The following DNAH14 variants were observed in gnomAD, a reference collection of about 807,000 sequenced individuals.
DNAH14 encodes dynein axonemal heavy chain 14, also known as axonemal beta dynein heavy chain 14.
A neutral mutation model predicts 520.9 loss-of-function variants in DNAH14; 478 were observed. The observed-to-expected ratio is 0.92, with a 90% CI of 0.85 to 0.99. DNAH14 has a LOEUF of 0.99. Ranked by LOEUF, DNAH14 falls within the 50% of genes least tolerant of loss-of-function variation. The probability of loss-of-function intolerance (pLI) is 0.00; values close to 1 mark genes in which losing one functional copy is unlikely to be tolerated. For synonymous variants in DNAH14, 1,581 were observed against 1,757.2 expected (o/e 0.90, Z 2.51); for missense variants, 4,831 against 5,234.5 (o/e 0.92, Z 2.38).
chr1:225,042,925 AGT>A lies in DNAH14; in HGVS notation c.1581_1582del (p.Ser527ArgfsTer7). 1 of 1,551,770 alleles carries A rather than the reference AGT, an allele frequency of 6.4e-7. No homozygotes were observed. Among genetic ancestry groups the A allele is most frequent in the Non-Finnish European group, 8.7e-7 (1 of 1,147,020 alleles). On this transcript the variant is annotated frameshift_variant, in exon 13 of 86. Transcript: ENST00000682510. LOFTEE classifies it high-confidence loss of function. ...VNLCLRIPAE[S>X]DSSENSKENF... ...TCTATGCTTGAGAATTCCTGCTGAG[AGT>A]GATTCTTCAGAAAATTCTAAAGAGA...
intron 8 of DNAH14, among the ~76,000 whole-genome samples, chr1:224,984,284 A>G (rs1393273397): frequency 6.6e-6 from 1 of 152,156 alleles, no homozygotes; most frequent in Non-Finnish European, 1.5e-5. Flanking sequence ...CAAAAACATA[A>G]AGTGGGAAAG....
intron 14 of DNAH14, 45 bp downstream of exon 14, chr1:225,043,834 A>G (rs1232663887): frequency 1.4e-6 from 2 of 1,457,260 alleles, no homozygotes; most frequent in African/African-American, 1.4e-5. Context: ...TGTATTTTAT[A>G]TGGTAGTTAT....
intron 74 of DNAH14, among the ~76,000 whole-genome samples, chr1:225,359,224 T>A (rs1294523931): frequency 6.6e-6 from 1 of 152,176 alleles, no homozygotes; most frequent in Non-Finnish European, 1.5e-5. Context: ...CAAAGAGGAA[T>A]AAAACCTCTC....
At chr1:225,168,330 C>T (rs1014232003) in intron 36 of DNAH14, among the ~76,000 whole-genome samples, 3 of 152,096 alleles carry the variant, frequency 2.0e-5, no homozygotes, top group Admixed American at 1.3e-4. Flanking sequence ...GTGCAGCGAG[C>T]GTGAGCCGAA....
chr1:225,373,358 G>A (rs1045510525), intron 77 of DNAH14, among the ~76,000 whole-genome samples: 45 of 152,150 alleles, frequency 3.0e-4, no homozygotes, highest in African/African-American at 1.0e-3. Flanking sequence ...CCAGCTACGC[G>A]GGAGGCTGAG....
chr1:224,930,049 G>C (rs1176769174), intron 1 of DNAH14, among the ~76,000 whole-genome samples: 1 of 152,094 alleles, frequency 6.6e-6, no homozygotes, highest in East Asian at 1.9e-4. Context: ...CCGCCACGCC[G>C]GTAGCCCCGA....
rs111205889 is a variant in DNAH14, at chr1:225,335,742, T to C, written c.10081-1524T>C. On this transcript the variant is annotated intron_variant, in intron 66 of 85. Transcript: ENST00000682510. ...GCATATATACATATGTGCATATATG[T>C]ATATACGCATATATACATACATGTG... Among the ~76,000 whole-genome samples the C allele has an allele frequency of 2.1e-4, 15 of 71,738 alleles. 1 individual carries two copies. Among genetic ancestry groups the C allele is most frequent in the Non-Finnish European group, 3.5e-4 (13 of 36,622 alleles). The allele number at this position is 71,738 out of a possible 152,430, so 47.1% of individuals were successfully genotyped here.
chr1:225,185,432 G>A lies in DNAH14; in HGVS notation c.5670+7G>A, dbSNP rs2084573893. On this transcript the variant is annotated splice_region_variant and intron_variant, in intron 37 of 85. Coordinates refer to ENST00000682510, the MANE Select transcript of DNAH14 (RefSeq NM_001367479.1). ...AAGAAAATCTGCTTCAAAGGTAAAT[G>A]TTCTGTTAAATAAAATGTTTCTCTA... 6.6e-7 allele frequency: 1 copy of A among 1,519,190 alleles called. No homozygotes were observed. The highest frequency in any genetic ancestry group is 1.4e-5 in the African/African-American group (1 of 71,074). 94.1% of individuals were successfully genotyped at this position (1,519,190 alleles called of 1,614,324 possible).
chr1:225,271,835 G>C, intron 50 of DNAH14, 71 bp from the exon 51 acceptor site: 2 of 1,247,380 alleles, frequency 1.6e-6, no homozygotes, highest in Non-Finnish European at 2.2e-6. Flanking sequence ...CCGCTTTTTA[G>C]TGGAAGGTAG....
chr1:225,340,786 C>A, intron 69 of DNAH14, 85 bp downstream of exon 69: 1 of 1,386,464 alleles, frequency 7.2e-7, no homozygotes, highest in Non-Finnish European at 9.6e-7. Context: ...GAATTTGAGC[C>A]AAAAATACCA....
In DNAH14 at chr1:225,192,759, G is replaced by C. The variant is rs781582014; in HGVS notation, c.5734G>C (p.Glu1912Gln). The C allele has an allele frequency of 2.3e-4, 362 of 1,550,098 alleles. 1 individual carries two copies. Among genetic ancestry groups the C allele is most frequent in the Non-Finnish European group, 3.1e-4 (354 of 1,146,026 alleles). The change falls in exon 38 of 86, where the codon GAA becomes CAA. Residue 1912 changes from glutamate to glutamine, a missense_variant. Physicochemically the swap from Glu to Gln is conservative, Grantham distance 29. Transcript: ENST00000682510. The part of the protein sequence containing the change: ...VLNPKCVTLS[E>Q]LYGQLDPNTM... ...AAATCCAAAGTGTGTCACTCTCAGT[G>C]AACTATATGGACAACTGGATCCTAA...
rs143115277 is a variant in DNAH14 at position 225,112,751 on chromosome 1, A to G, written c.3868-4933A>G. 4.4e-3 allele frequency among the ~76,000 whole-genome samples: 666 copies of G among 151,974 alleles called. 11 individuals are homozygous for G. The highest frequency in any genetic ancestry group is 4.6e-3 in the Non-Finnish European group (312 of 67,972). ...ACTAATTCTCTCTTCTGCTTGATCAATTCTGCTGCTAAGACACTCTGATGC... is the reference window on the plus strand; with the variant it reads ...ACTAATTCTCTCTTCTGCTTGATCAGTTCTGCTGCTAAGACACTCTGATGC... On this transcript the variant is annotated intron_variant, in intron 23 of 85. Transcript: ENST00000682510.
At chr1:225,314,545 A>C (rs2094432838) in intron 60 of DNAH14, among the ~76,000 whole-genome samples, 1 of 152,016 alleles carries the variant, frequency 6.6e-6, no homozygotes, top group Non-Finnish European at 1.5e-5. Flanking sequence ...TGGTCTTTAC[A>C]TTTTGGTATG....
chr1:225,197,357 T>G (rs1318292001), intron 38 of DNAH14, among the ~76,000 whole-genome samples: 1 of 151,970 alleles, frequency 6.6e-6, no homozygotes, highest in Non-Finnish European at 1.5e-5. Context: ...CTGTAAGTAT[T>G]TGGCTTTATT....
intron 77 of DNAH14, among the ~76,000 whole-genome samples, chr1:225,369,780 G>C (rs1355840448): frequency 6.6e-6 from 1 of 152,040 alleles, no homozygotes; most frequent in African/African-American, 2.4e-5. Context: ...GATTTTATGG[G>C]CCACGTTATC....
chr1:225,322,390 A>C (rs924850664), intron 61 of DNAH14, among the ~76,000 whole-genome samples: 13 of 152,114 alleles, frequency 8.5e-5, no homozygotes, highest in African/African-American at 2.9e-4. Flanking sequence ...TGCCCAGCCC[A>C]AGACTTTTTA....
At chr1:225,315,084 T>C (rs2094442520) in intron 60 of DNAH14, among the ~76,000 whole-genome samples, 1 of 152,144 alleles carries the variant, frequency 6.6e-6, no homozygotes, top group Non-Finnish European at 1.5e-5. Context: ...CAATCAAATG[T>C]TGGTTTAGTC....
intron 77 of DNAH14, among the ~76,000 whole-genome samples, chr1:225,369,399 A>G (rs750251808): frequency 5.3e-5 from 8 of 151,978 alleles, no homozygotes; most frequent in Non-Finnish European, 1.2e-4. Flanking sequence ...AAAAAGAAGA[A>G]AGCAGAAATG....
At chr1:225,006,051 A>C (rs1261024055) in intron 9 of DNAH14, among the ~76,000 whole-genome samples, 1 of 152,214 alleles carries the variant, frequency 6.6e-6, no homozygotes, top group Non-Finnish European at 1.5e-5. Context: ...GACATTTATT[A>C]GTTCCCCAGA....
Sources: gnomAD v4.1 joint callset for allele counts (sites outside exome capture counted in the v4.1 genomes callset) on GRCh38, gnomAD v4.1.1 for gene constraint, MANE v1.5 for transcripts, NCBI Gene and HGNC (gene_info 2026-07-23, HGNC 2026-07-21) for gene names.